CTNNA3: variants seen among roughly 807,000 people sequenced by gnomAD.
The protein encoded by CTNNA3 is catenin alpha-3.
A neutral mutation model predicts 95.7 loss-of-function variants in CTNNA3; 76 were observed. That is an observed-to-expected ratio of 0.79 (90% CI 0.66 to 0.96). The LOEUF is 0.96. Among genes scored for constraint, CTNNA3 ranks in the 40% least tolerant of loss-of-function variants. CTNNA3 has a pLI of 0.00. For synonymous variants in CTNNA3, 431 were observed against 374.4 expected (o/e 1.15, Z -1.74); for missense variants, 1,191 against 1,089.8 (o/e 1.09, Z -1.31).
At chr10:66,040,888 A>T (rs1032940008) in intron 15 of CTNNA3, among the ~76,000 whole-genome samples, 10 of 152,218 alleles carry the variant, frequency 6.6e-5, no homozygotes, top group Non-Finnish European at 1.3e-4. Flanking sequence ...GTTTAAAAAA[A>T]TCTACCAATG....
intron 9 of CTNNA3, among the ~76,000 whole-genome samples, chr10:66,643,828 C>A (rs775240664): frequency 8.6e-5 from 13 of 152,020 alleles, no homozygotes; most frequent in Non-Finnish European, 1.6e-4. Context: ...TTTCTATTTC[C>A]AAATATTTAT....
In CTNNA3 at chr10:66,361,593, A is replaced by T. The variant is rs546908038; in HGVS notation, c.1732+17559T>A. Among the ~76,000 whole-genome samples the T allele has an allele frequency of 2.0e-5, 3 of 147,706 alleles. No homozygotes were observed. The South Asian group carries it at 6.4e-4, about 31-fold the overall frequency. Reference sequence around the variant, plus strand: ...TGTTCTGTCTCCCTGGCTGGAGTGGAGTGGCACAATCTTGGCTCACTGCAA... The same window carrying T: ...TGTTCTGTCTCCCTGGCTGGAGTGGTGTGGCACAATCTTGGCTCACTGCAA... On this transcript the variant is annotated intron_variant, in intron 12 of 17. Transcript: ENST00000433211.
intron 13 of CTNNA3, among the ~76,000 whole-genome samples, chr10:66,160,246 C>A (rs2084771251): frequency 1.3e-5 from 2 of 151,844 alleles, no homozygotes; most frequent in Admixed American, 6.6e-5. Flanking sequence ...TCTTGTTTCT[C>A]TAGTTCCTTG....
intron 5 of CTNNA3, among the ~76,000 whole-genome samples, chr10:67,415,772 C>A (rs1299710281): frequency 6.6e-6 from 1 of 152,120 alleles, no homozygotes. Context: ...GTAATCAAAA[C>A]AGCATGGTAT....
At chr10:67,627,528 T>C (rs556102337) in intron 2 of CTNNA3, among the ~76,000 whole-genome samples, 305 of 152,308 alleles carry the variant, frequency 2.0e-3, no homozygotes, top group African/African-American at 6.7e-3. Flanking sequence ...AAAAAATATT[T>C]TTCAATAATT....
chr10:67,679,241 T>C (rs1387766958), intron 1 of CTNNA3, among the ~76,000 whole-genome samples: 1 of 152,144 alleles, frequency 6.6e-6, no homozygotes, highest in Admixed American at 6.5e-5. Flanking sequence ...CTGTGTGTTG[T>C]AAAATGTTTA....
intron 5 of CTNNA3, among the ~76,000 whole-genome samples, chr10:67,516,648 C>T (rs1839824959): frequency 6.6e-6 from 1 of 152,176 alleles, no homozygotes; most frequent in African/African-American, 2.4e-5. Flanking sequence ...TTTGTAATGA[C>T]TACCACCATT....
intron 12 of CTNNA3, among the ~76,000 whole-genome samples, chr10:66,360,172 T>G (rs1315263770): frequency 6.8e-6 from 1 of 147,440 alleles, no homozygotes; most frequent in Non-Finnish European, 1.5e-5. Context: ...TTTAAAGCAT[T>G]ATATCTATAT....
At chr10:66,905,947 C>A (rs1275307257) in intron 7 of CTNNA3, among the ~76,000 whole-genome samples, 1 of 152,086 alleles carries the variant, frequency 6.6e-6, no homozygotes, top group African/African-American at 2.4e-5. Context: ...CTGTTTTGTG[C>A]ACTTAAAATT....
intron 13 of CTNNA3, among the ~76,000 whole-genome samples, chr10:66,230,021 C>A (rs1451011023): frequency 1.3e-5 from 2 of 151,096 alleles, no homozygotes; most frequent in Non-Finnish European, 3.0e-5. Context: ...TGAAGTTTTT[C>A]TATTGTATTT....
At chr10:67,500,985 G>C (rs924854575) in intron 5 of CTNNA3, among the ~76,000 whole-genome samples, 3 of 152,188 alleles carry the variant, frequency 2.0e-5, no homozygotes, top group African/African-American at 7.2e-5. Context: ...ATATTGTTAT[G>C]TGTCAATTTG....
chr10:66,958,439 C>T (rs1848944308), intron 7 of CTNNA3, among the ~76,000 whole-genome samples: 1 of 136,742 alleles, frequency 7.3e-6, no homozygotes, highest in African/African-American at 2.8e-5. Flanking sequence ...TATAGTTCTG[C>T]CTTTGTAGAA....
At chr10:66,571,215 A>G (rs1842857798) in intron 10 of CTNNA3, among the ~76,000 whole-genome samples, 1 of 152,186 alleles carries the variant, frequency 6.6e-6, no homozygotes, top group Non-Finnish European at 1.5e-5. Context: ...GAACTTTCTG[A>G]TGCATTAGCA....
intron 11 of CTNNA3, among the ~76,000 whole-genome samples, chr10:66,517,836 A>G (rs1010296781): frequency 6.6e-6 from 1 of 152,180 alleles, no homozygotes; most frequent in Non-Finnish European, 1.5e-5. Flanking sequence ...CAGGGCAACC[A>G]AAATGCAGAA....
At chr10:67,487,982 G>A (rs527817244) in intron 5 of CTNNA3, among the ~76,000 whole-genome samples, 1 of 152,340 alleles carries the variant, frequency 6.6e-6, no homozygotes, top group African/African-American at 2.4e-5. Context: ...TAGGACAGAA[G>A]GAGGAGAGCA....
intron 12 of CTNNA3, among the ~76,000 whole-genome samples, chr10:66,342,684 G>A (rs938355204): frequency 6.6e-6 from 1 of 151,874 alleles, no homozygotes; most frequent in Admixed American, 6.6e-5. Flanking sequence ...ATAAATATTG[G>A]TCATATAATT....
chr10:67,232,827 A>C (rs1865280324), intron 5 of CTNNA3, among the ~76,000 whole-genome samples: 4 of 151,484 alleles, frequency 2.6e-5, no homozygotes, highest in Non-Finnish European at 5.9e-5. Context: ...TCTACCAAGC[A>C]AATGGAAAAC....
chr10:65,914,861 G>T lies in CTNNA3; in HGVS notation c.*5469C>A, dbSNP rs1440719032. 1 of 152,022 alleles carries T rather than the reference G, an allele frequency of 6.6e-6. No individual in the cohort carries two copies. Among genetic ancestry groups the T allele is most frequent in the Non-Finnish European group, 1.5e-5 (1 of 68,012 alleles). The allele number at this position is 152,022 out of a possible 1,614,324, so 9.4% of individuals were successfully genotyped here. On this transcript the variant is annotated 3_prime_UTR_variant, in exon 18 of 18. Coordinates refer to ENST00000433211, the MANE Select transcript of CTNNA3 (RefSeq NM_013266.4). Reference sequence around the variant, plus strand: ...CAGTTAATAGAGGTGAGAATATTCAGCTAATTATATATCTGTCTTGAATGA... The same window carrying T: ...CAGTTAATAGAGGTGAGAATATTCATCTAATTATATATCTGTCTTGAATGA...
At chr10:67,557,042 A>C (rs183848419) in intron 3 of CTNNA3, among the ~76,000 whole-genome samples, 1 of 152,332 alleles carries the variant, frequency 6.6e-6, no homozygotes, top group Admixed American at 6.5e-5. Context: ...CAGGTTGTTC[A>C]GTTTCCATGT....
Sources: gnomAD v4.1 joint callset for allele counts (sites outside exome capture counted in the v4.1 genomes callset) on GRCh38, gnomAD v4.1.1 for gene constraint, MANE v1.5 for transcripts, NCBI Gene and HGNC (gene_info 2026-07-23, HGNC 2026-07-21) for gene names.